DMD: variants seen among roughly 807,000 people sequenced by gnomAD.
DMD encodes dystrophin.
In DMD, 63 loss-of-function variants were observed where a neutral mutation model predicts 330.1. The ratio of observed to expected loss-of-function variants is 0.19; its 90% CI spans 0.16 to 0.24. The LOEUF (loss-of-function observed/expected upper bound fraction) is 0.24. DMD is among the 10% of genes least tolerant of loss of function. The pLI is 1.00. For missense variants in DMD, 3,344 were observed against 2,684.1 expected, an observed-to-expected ratio of 1.25 and a Z score of -5.43; for synonymous variants, 1,223 against 959.8, an observed-to-expected ratio of 1.27 and a Z score of -5.07.
intron 2 of DMD, among the ~76,000 whole-genome samples, chrX:32,851,012 T>G (rs1433104206): frequency 1.8e-5 from 2 of 111,753 alleles, no homozygotes; most frequent in East Asian, 5.6e-4. Flanking sequence ...TCACAAGCCT[T>G]GGGATCAACA....
Position 33,325,103 on chromosome X carries a change from A to G in DMD, c.7+14156T>C, listed in dbSNP as rs2054071002. On this transcript the variant is annotated intron_variant, in intron 1 of 17. Coordinates refer to the DMD transcript ENST00000288447. ...CATTTTCTAATAAATTAAAAGTATA[A>G]TGTATACAATTGGATTCTGTCAGGC... Among the ~76,000 whole-genome samples, 4 of 112,085 alleles carry G rather than the reference A, an allele frequency of 3.6e-5. No homozygotes were observed. In the South Asian group the frequency reaches 1.5e-3, roughly 41 times the overall value.
chrX:32,441,708 A>G (rs2148226717), intron 27 of DMD, among the ~76,000 whole-genome samples: 1 of 111,810 alleles, frequency 8.9e-6, no homozygotes, highest in South Asian at 3.6e-4. Context: ...ATAATTTGAT[A>G]GTTAAAATTT....
chrX:31,601,876 T>C (rs775982263), intron 55 of DMD, among the ~76,000 whole-genome samples: 5 of 111,130 alleles, frequency 4.5e-5, no homozygotes, highest in Admixed American at 2.9e-4. Flanking sequence ...GGCAGTACCT[T>C]ATAAAAAGAA....
At chrX:33,219,298 A>C in intron 1 of DMD, among the ~76,000 whole-genome samples, 1 of 75,277 alleles carries the variant, frequency 1.3e-5, no homozygotes, top group Non-Finnish European at 3.0e-5. Context: ...TTGATACTTT[A>C]GAGATTATTG....
chrX:32,487,199 AT>A (rs1204381761), intron 20 of DMD, among the ~76,000 whole-genome samples: 7 of 111,777 alleles, frequency 6.3e-5, no homozygotes, highest in African/African-American at 3.3e-5. Flanking sequence ...AGGGCATGCT[AT>A]TCTCTACATA....
At chrX:32,534,425 C>A (rs2047762756) in intron 17 of DMD, among the ~76,000 whole-genome samples, 2 of 111,037 alleles carry the variant, frequency 1.8e-5, no homozygotes, top group Non-Finnish European at 3.8e-5. Flanking sequence ...TGCCACCTCC[C>A]CCTGCACTGT....
At chrX:32,736,709 T>G (rs1400918645) in intron 7 of DMD, among the ~76,000 whole-genome samples, 2 of 95,754 alleles carry the variant, frequency 2.1e-5, no homozygotes, top group Non-Finnish European at 4.0e-5. Flanking sequence ...AGGTGGGAAT[T>G]GAACAATGAG....
chrX:31,456,836 ATGTGTGTGTGTGTG>A (rs5901988), intron 59 of DMD, among the ~76,000 whole-genome samples: 7 of 83,262 alleles, frequency 8.4e-5, no homozygotes, highest in Non-Finnish European at 1.4e-4. Flanking sequence ...GCCCACATAT[ATGTGTGTGTGTGTG>A]TGTGTGTGTG....
At chrX:32,771,503 T>TACACACACAC (rs754545800) in intron 7 of DMD, among the ~76,000 whole-genome samples, 1,445 of 105,771 alleles carry the variant, frequency 0.014, 35 homozygotes, top group African/African-American at 0.049. Context: ...ATTTTGTTAA[T>TACACACACAC]ACACACACAC....
At chrX:32,256,293 G>A (rs2097298313) in intron 43 of DMD, among the ~76,000 whole-genome samples, 1 of 107,572 alleles carries the variant, frequency 9.3e-6, no homozygotes, top group Admixed American at 1.0e-4. Flanking sequence ...TTTTATCAGA[G>A]ACTAGGATTG....
intron 2 of DMD, among the ~76,000 whole-genome samples, chrX:32,951,233 C>T (rs906825878): frequency 5.4e-5 from 6 of 111,854 alleles, no homozygotes; most frequent in Non-Finnish European, 1.1e-4. Context: ...AGCCTTCCTT[C>T]AGGCCACATT....
At chrX:33,085,741 C>A (rs759195645) in intron 1 of DMD, among the ~76,000 whole-genome samples, 9 of 111,554 alleles carry the variant, frequency 8.1e-5, no homozygotes, top group African/African-American at 2.9e-4. Flanking sequence ...CTAGTATGTT[C>A]TGAGACATTC....
intron 22 of DMD, among the ~76,000 whole-genome samples, chrX:32,470,208 T>C (rs1603634249): frequency 1.8e-5 from 2 of 111,106 alleles, no homozygotes; most frequent in Non-Finnish European, 3.8e-5. Flanking sequence ...GGAGGATACC[T>C]TACTCAAGAC....
intron 9 of DMD, among the ~76,000 whole-genome samples, chrX:32,655,976 GA>G (rs1271191932): frequency 1.8e-5 from 2 of 110,376 alleles, no homozygotes; most frequent in African/African-American, 6.6e-5. Flanking sequence ...GCCTTTTTTT[GA>G]AAAACATTAA....
chrX:32,952,778 T>G (rs1274676945), intron 2 of DMD, among the ~76,000 whole-genome samples: 1 of 111,370 alleles, frequency 9.0e-6, no homozygotes, highest in African/African-American at 3.3e-5. Flanking sequence ...TTCAGATTGA[T>G]GAGCTTTCTA....
chrX:32,100,170 A>G (rs2148086050), intron 44 of DMD, among the ~76,000 whole-genome samples: 1 of 110,442 alleles, frequency 9.1e-6, no homozygotes, highest in Non-Finnish European at 1.9e-5. Context: ...TCAACTTTGA[A>G]CTACCCCATC....
intron 7 of DMD, among the ~76,000 whole-genome samples, chrX:32,777,058 G>C (rs1395762049): frequency 1.0e-5 from 1 of 99,384 alleles, no homozygotes; most frequent in Non-Finnish European, 1.9e-5. Context: ...GCATAAATTT[G>C]TCTTTTTTTT....
chrX:32,279,762 A>C (rs1270178632), intron 43 of DMD, among the ~76,000 whole-genome samples: 5 of 109,847 alleles, frequency 4.6e-5, no homozygotes, highest in Non-Finnish European at 9.5e-5. Flanking sequence ...CTAGCACAAC[A>C]GGGTGACTAT....
chrX:33,189,446 T>A (rs929880903), intron 1 of DMD, among the ~76,000 whole-genome samples: 3 of 111,578 alleles, frequency 2.7e-5, no homozygotes, highest in Non-Finnish European at 1.9e-5. Context: ...ACTTATGCTA[T>A]GAGAACACTT....
Sources: gnomAD v4.1 joint callset for allele counts (sites outside exome capture counted in the v4.1 genomes callset) on GRCh38, gnomAD v4.1.1 for gene constraint, MANE v1.5 for transcripts, NCBI Gene and HGNC (gene_info 2026-07-23, HGNC 2026-07-21) for gene names.